The following ARHGAP15 variants were observed in gnomAD, a reference collection of about 807,000 sequenced individuals.
ARHGAP15 encodes Rho GTPase activating protein 15.
A neutral mutation model predicts 63.7 loss-of-function variants in ARHGAP15; 51 were observed. That is an observed-to-expected ratio of 0.80 (90% CI 0.64 to 1.01). The LOEUF (loss-of-function observed/expected upper bound fraction) is 1.01. Ranked by LOEUF, ARHGAP15 falls within the 50% of genes least tolerant of loss-of-function variation. The pLI is 0.00. For missense variants in ARHGAP15, 560 were observed against 564.6 expected (o/e 0.99, Z 0.08); for synonymous variants, 191 against 193.8 (o/e 0.99, Z 0.12).
chr2:143,581,107 A>G (rs969662468), intron 11 of ARHGAP15, among the ~76,000 whole-genome samples: 1 of 152,108 alleles, frequency 6.6e-6, no homozygotes, highest in East Asian at 1.9e-4. Flanking sequence ...AGAATTGGTA[A>G]CCAGCTTCAC....
chr2:143,379,110 A>G (rs556785098), intron 6 of ARHGAP15, among the ~76,000 whole-genome samples: 10 of 152,070 alleles, frequency 6.6e-5, no homozygotes, highest in Non-Finnish European at 1.0e-4. Context: ...CCACATATGC[A>G]CTCATTAAAA....
At chr2:143,765,410 C>A (rs1686915230) in intron 13 of ARHGAP15, among the ~76,000 whole-genome samples, 1 of 152,080 alleles carries the variant, frequency 6.6e-6, no homozygotes, top group Non-Finnish European at 1.5e-5. Context: ...AGTGGCATAG[C>A]TTCTTATGTT....
intron 11 of ARHGAP15, among the ~76,000 whole-genome samples, chr2:143,583,883 C>A (rs1697005194): frequency 6.6e-6 from 1 of 152,082 alleles, no homozygotes; most frequent in Non-Finnish European, 1.5e-5. Flanking sequence ...GTTAAGAAAA[C>A]CAGTTTCCTC....
chr2:143,752,659 G>T (rs142244374), intron 13 of ARHGAP15, among the ~76,000 whole-genome samples: 2 of 152,282 alleles, frequency 1.3e-5, no homozygotes, highest in East Asian at 3.9e-4. Context: ...TGGCATCCAG[G>T]GCATTGTTAA....
Position 143,726,253 on chromosome 2 carries a change from T to C in ARHGAP15, c.1244+22729T>C, listed in dbSNP as rs1437011985. On this transcript the variant is annotated intron_variant, in intron 13 of 13. Coordinates refer to ENST00000295095, the MANE Select transcript of ARHGAP15 (RefSeq NM_018460.4). ...TGTGGACTGGAATGCACCCTACTTG[T>C]AATGGGAACAAAAAGCTGGCAATCA... Among the ~76,000 whole-genome samples, 6 of 152,144 alleles carry C rather than the reference T, an allele frequency of 3.9e-5. No individual in the cohort carries two copies. In the East Asian group the frequency reaches 9.6e-4, roughly 24 times the overall value.
intron 11 of ARHGAP15, among the ~76,000 whole-genome samples, chr2:143,568,410 A>G (rs2105113648): frequency 6.6e-6 from 1 of 152,386 alleles, no homozygotes; most frequent in South Asian, 2.1e-4. Context: ...GACATATGAA[A>G]AAATGCTCAT....
intron 6 of ARHGAP15, among the ~76,000 whole-genome samples, chr2:143,354,340 ATTGC>A (rs1215201501): frequency 3.3e-5 from 5 of 152,184 alleles, no homozygotes; most frequent in African/African-American, 1.2e-4. Flanking sequence ...AAAGAAGCAC[ATTGC>A]TTGGTAGGAT....
intron 13 of ARHGAP15, chr2:143,766,941 AAGTCCAAC>A (rs1399244720): frequency 1.3e-5 from 2 of 152,174 alleles, no homozygotes; most frequent in Non-Finnish European, 2.9e-5. Flanking sequence ...GAGGCCTCTA[AAGTCCAAC>A]CACCTCAACA....
chr2:143,705,814 CAGAAG>C (rs1437546419), intron 13 of ARHGAP15, among the ~76,000 whole-genome samples: 1 of 152,046 alleles, frequency 6.6e-6, no homozygotes, highest in Non-Finnish European at 1.5e-5. Flanking sequence ...ATAAAACACA[CAGAAG>C]AGAATCTATC....
intron 8 of ARHGAP15, among the ~76,000 whole-genome samples, chr2:143,438,030 A>C (rs1689689664): frequency 6.6e-6 from 1 of 152,172 alleles, no homozygotes; most frequent in South Asian, 2.1e-4. Context: ...CTGTCTCAGA[A>C]AAGGTAGACA....
At chr2:143,767,247 A>G (rs2072953165) in intron 13 of ARHGAP15, among the ~76,000 whole-genome samples, 1 of 152,110 alleles carries the variant, frequency 6.6e-6, no homozygotes, top group Non-Finnish European at 1.5e-5. Context: ...TTTTCTTTTT[A>G]GGAGTCCTGT....
At chr2:143,688,145 A>G (rs577027863) in intron 12 of ARHGAP15, among the ~76,000 whole-genome samples, 1 of 152,300 alleles carries the variant, frequency 6.6e-6, no homozygotes, top group African/African-American at 2.4e-5. Flanking sequence ...GAAAATTCAT[A>G]TGTAATACCT....
chr2:143,305,473 A>T (rs1306822524), intron 6 of ARHGAP15: 2 of 152,038 alleles, frequency 1.3e-5, no homozygotes, highest in African/African-American at 4.8e-5. Context: ...ATAATAATAA[A>T]AAAAGTATGA....
Position 143,153,843 on chromosome 2 carries a change from T to TTCCTCCTCCTCCTCC in ARHGAP15, c.-14-1619_-14-1605dup, listed in dbSNP as rs796483071. On this transcript the variant is annotated intron_variant, in intron 1 of 13. Transcript: ENST00000295095. ...CTTCTTCTTCTTCTTCTTCTTCTTC[T>TTCCTCCTCCTCCTCC]TCCTCCTCCTCCTCCTCCTCCTCCT... Among the ~76,000 whole-genome samples the TTCCTCCTCCTCCTCC allele has an allele frequency of 1.5e-3, 133 of 86,838 alleles. 3 individuals are homozygous for TTCCTCCTCCTCCTCC. Among genetic ancestry groups the TTCCTCCTCCTCCTCC allele is most frequent in the Non-Finnish European group, 2.2e-3 (103 of 46,142 alleles). 57.0% of individuals were successfully genotyped at this position (86,838 alleles called of 152,430 possible).
At chr2:143,671,464 T>C (rs1004036354) in intron 12 of ARHGAP15, among the ~76,000 whole-genome samples, 1 of 152,172 alleles carries the variant, frequency 6.6e-6, no homozygotes, top group African/African-American at 2.4e-5. Flanking sequence ...GGATTATTGA[T>C]TTGACTAAAG....
chr2:143,437,270 C>T, intron 8 of ARHGAP15: 1 of 443,266 alleles, frequency 2.3e-6, no homozygotes, highest in East Asian at 4.4e-5. Context: ...ATGGTCTCTG[C>T]TTACAGCAAA....
chr2:143,663,218 C>T (rs1363150038), intron 12 of ARHGAP15, among the ~76,000 whole-genome samples: 7 of 139,284 alleles, frequency 5.0e-5, no homozygotes, highest in African/African-American at 1.1e-4. Flanking sequence ...GCGGATCTCT[C>T]GGCAGAAACC....
intron 12 of ARHGAP15, among the ~76,000 whole-genome samples, chr2:143,699,248 T>G (rs1683980305): frequency 6.6e-6 from 1 of 152,156 alleles, no homozygotes; most frequent in African/African-American, 2.4e-5. Flanking sequence ...TGGTATTGAT[T>G]TGAATGAAAA....
chr2:143,755,896 G>C (rs1686558034), intron 13 of ARHGAP15, among the ~76,000 whole-genome samples: 1 of 152,024 alleles, frequency 6.6e-6, no homozygotes, highest in South Asian at 2.1e-4. Context: ...AAACTGGGAG[G>C]CAGAGGTTGC....
Sources: gnomAD v4.1 joint callset for allele counts (sites outside exome capture counted in the v4.1 genomes callset) on GRCh38, gnomAD v4.1.1 for gene constraint, MANE v1.5 for transcripts, NCBI Gene and HGNC (gene_info 2026-07-23, HGNC 2026-07-21) for gene names.